Variants in SLC14A2 observed in about 807,000 individuals in gnomAD.
The protein encoded by SLC14A2 is solute carrier family 14 member 2, also known as urea transporter 2.
A neutral mutation model predicts 104.6 loss-of-function variants in SLC14A2; 91 were observed. The ratio of observed to expected loss-of-function variants is 0.87; its 90% CI spans 0.73 to 1.04. The LOEUF is 1.04. SLC14A2 is among the 50% of genes least tolerant of loss of function. SLC14A2 has a pLI of 0.00. For synonymous variants in SLC14A2, 476 were observed against 466.4 expected (o/e 1.02, Z -0.27); for missense variants, 1,189 against 1,156.0 (o/e 1.03, Z -0.41).
intron 2 of SLC14A2, among the ~76,000 whole-genome samples, chr18:45,625,108 A>G (rs138528878): frequency 1.4e-3 from 207 of 152,264 alleles, no homozygotes; most frequent in African/African-American, 4.6e-3. Flanking sequence ...CTGTCTCCAA[A>G]GGGAAGGCCT....
chr18:45,336,160 GT>G lies in SLC14A2; in HGVS notation c.-125+122970del, dbSNP rs551703776. The stretch of plus-strand genomic sequence containing the variant: ...GACCAATTAATTAGAAAAATGAGGG[GT>G]AGCAAAGGAGATGCAACATGTACCA... On this transcript the variant is annotated intron_variant, in intron 1 of 20. Coordinates refer to the SLC14A2 transcript ENST00000586448. Among the ~76,000 whole-genome samples the G allele has an allele frequency of 3.0e-3, 457 of 152,140 alleles. 2 individuals carry two copies. The highest frequency in any genetic ancestry group is 0.01 in the African/African-American group (433 of 41,488).
At chr18:45,667,197 G>T in intron 13 of SLC14A2, 103 bp downstream of exon 13, 2 of 838,322 alleles carry the variant, frequency 2.4e-6, no homozygotes, top group South Asian at 1.8e-5. Context: ...ACTAGACTTA[G>T]ACTAGACTGC....
intron 2 of SLC14A2, among the ~76,000 whole-genome samples, chr18:45,599,636 G>A (rs9948598): frequency 0.083 from 12,706 of 152,232 alleles, 639 homozygotes; most frequent in East Asian, 0.19. Context: ...GCAGGGACAC[G>A]GGTAAAGAGG....
At chr18:45,299,546 C>A (rs2084948285) in intron 1 of SLC14A2, among the ~76,000 whole-genome samples, 1 of 152,244 alleles carries the variant, frequency 6.6e-6, no homozygotes. Context: ...ACTTCAACCT[C>A]TGCCTCCCGG....
At chr18:45,641,686 G>C (rs2045530947) in intron 8 of SLC14A2, among the ~76,000 whole-genome samples, 3 of 152,212 alleles carry the variant, frequency 2.0e-5, no homozygotes, top group African/African-American at 4.8e-5. Flanking sequence ...CCAGGACCTA[G>C]TCTAGGTATA....
At chr18:45,526,669 G>C (rs2043597127) in intron 2 of SLC14A2, among the ~76,000 whole-genome samples, 1 of 152,264 alleles carries the variant, frequency 6.6e-6, no homozygotes, top group African/African-American at 2.4e-5. Flanking sequence ...GAGTCATATA[G>C]AGGGGGAAGA....
At chr18:45,405,116 C>T (rs556143699) in intron 1 of SLC14A2, among the ~76,000 whole-genome samples, 4 of 152,250 alleles carry the variant, frequency 2.6e-5, no homozygotes, top group Admixed American at 6.5e-5. Flanking sequence ...TTGAAAGAAG[C>T]CCTCCAGTCA....
chr18:45,328,680 T>C (rs1327384048), intron 1 of SLC14A2, among the ~76,000 whole-genome samples: 1 of 152,210 alleles, frequency 6.6e-6, no homozygotes, highest in Non-Finnish European at 1.5e-5. Flanking sequence ...AGATTACATG[T>C]TATGTAAGAA....
At chr18:45,486,676 T>C (rs764849185) in intron 2 of SLC14A2, among the ~76,000 whole-genome samples, 8 of 151,736 alleles carry the variant, frequency 5.3e-5, no homozygotes, top group Non-Finnish European at 7.4e-5. Flanking sequence ...ACCAGAAGAG[T>C]TAGACAAAGA....
At chr18:45,221,097 C>A (rs1048124886) in intron 1 of SLC14A2, among the ~76,000 whole-genome samples, 3 of 152,150 alleles carry the variant, frequency 2.0e-5, no homozygotes, top group Non-Finnish European at 4.4e-5. Flanking sequence ...GGGGTTCAGG[C>A]TTCAACATAT....
At chr18:45,180,283 A>C in the SLC14A2 span, among the ~76,000 whole-genome samples, 1 of 152,196 alleles carries the variant, frequency 6.6e-6, no homozygotes, top group African/African-American at 2.4e-5. Context: ...GCCTCTGTTC[A>C]TCTGTAAAAT....
chr18:45,201,446 TACTTC>T, the SLC14A2 span, among the ~76,000 whole-genome samples: 11 of 152,160 alleles, frequency 7.2e-5, no homozygotes, highest in African/African-American at 2.7e-4. Flanking sequence ...ATATTTATTT[TACTTC>T]ACTTCTTTAT....
At chr18:45,545,671 T>A (rs1404095909) in intron 2 of SLC14A2, among the ~76,000 whole-genome samples, 1 of 152,162 alleles carries the variant, frequency 6.6e-6, no homozygotes, top group Non-Finnish European at 1.5e-5. Flanking sequence ...CATGCTACAC[T>A]TGGTATCATC....
intron 1 of SLC14A2, among the ~76,000 whole-genome samples, chr18:45,308,595 G>A (rs559320009): frequency 6.6e-6 from 1 of 152,294 alleles, no homozygotes; most frequent in African/African-American, 2.4e-5. Flanking sequence ...TTTGCCCGGA[G>A]GGAGGATGCC....
intron 1 of SLC14A2, among the ~76,000 whole-genome samples, chr18:45,290,374 C>A (rs924295872): frequency 6.6e-6 from 1 of 152,200 alleles, no homozygotes; most frequent in African/African-American, 2.4e-5. Flanking sequence ...AACTAGATTT[C>A]TCCTGAGACT....
intron 2 of SLC14A2, among the ~76,000 whole-genome samples, chr18:45,571,174 A>C (rs896075302): frequency 2.0e-5 from 3 of 152,252 alleles, no homozygotes; most frequent in Non-Finnish European, 4.4e-5. Context: ...AGATGAATAA[A>C]TAACACACTC....
chr18:45,603,502 A>C (rs995726524), intron 2 of SLC14A2, among the ~76,000 whole-genome samples: 2 of 152,168 alleles, frequency 1.3e-5, no homozygotes, highest in Non-Finnish European at 2.9e-5. Flanking sequence ...CCTACCCAAG[A>C]CCAGAGAGTT....
chr18:45,241,275 AGGGGTGAC>A (rs1042905991), intron 1 of SLC14A2, among the ~76,000 whole-genome samples: 1 of 152,164 alleles, frequency 6.6e-6, no homozygotes, highest in Non-Finnish European at 1.5e-5. Context: ...TTTTCAGAAA[AGGGGTGAC>A]GTGCTCTGGC....
intron 1 of SLC14A2, among the ~76,000 whole-genome samples, chr18:45,274,731 G>A (rs1448448987): frequency 6.6e-6 from 1 of 152,238 alleles, no homozygotes; most frequent in Non-Finnish European, 1.5e-5. Flanking sequence ...AGTAGTTTGG[G>A]CCTTGCCCAA....
Sources: gnomAD v4.1 joint callset for allele counts (sites outside exome capture counted in the v4.1 genomes callset) on GRCh38, gnomAD v4.1.1 for gene constraint, MANE v1.5 for transcripts, NCBI Gene and HGNC (gene_info 2026-07-23, HGNC 2026-07-21) for gene names.